Variants in ANKS1B observed in about 807,000 individuals in gnomAD.
ANKS1B encodes ankyrin repeat and sterile alpha motif domain containing 1B.
ANKS1B carries 36 observed loss-of-function variants against 148.3 expected under a neutral mutation model. The ratio of observed to expected loss-of-function variants is 0.24; its 90% confidence interval spans 0.19 to 0.32. ANKS1B has a LOEUF of 0.32. Among genes scored for constraint, ANKS1B ranks in the 10% least tolerant of loss-of-function variants. ANKS1B has a pLI of 1.00. For missense variants in ANKS1B, 1,157 were observed against 1,542.6 expected (o/e 0.75, Z 4.19); for synonymous variants, 542 against 560.8 (o/e 0.97, Z 0.47).
At chr12:99,145,738 T>A (rs1261225216) in intron 15 of ANKS1B, among the ~76,000 whole-genome samples, 4 of 152,026 alleles carry the variant, frequency 2.6e-5, no homozygotes, top group African/African-American at 9.7e-5. Context: ...CAAGAAACAA[T>A]CACTGAATAA....
intron 1 of ANKS1B, among the ~76,000 whole-genome samples, chr12:99,983,012 A>C (rs1432407993): frequency 6.6e-6 from 1 of 152,244 alleles, no homozygotes; most frequent in East Asian, 1.9e-4. Flanking sequence ...GTTTCTATTA[A>C]GCACTTGTCA....
intron 8 of ANKS1B, among the ~76,000 whole-genome samples, chr12:99,667,166 T>C (rs532259016): frequency 2.6e-4 from 40 of 151,938 alleles, no homozygotes; most frequent in Non-Finnish European, 5.0e-4. Flanking sequence ...GCCAACATGA[T>C]GAAACTCTGT....
At chr12:99,334,217 CAT>C in intron 12 of ANKS1B, among the ~76,000 whole-genome samples, 2 of 147,988 alleles carry the variant, frequency 1.4e-5, no homozygotes, top group Admixed American at 6.6e-5. Context: ...TACATAGATA[CAT>C]AGAAAGATAG....
rs2099130742 is a variant in ANKS1B, at chr12:98,815,335, T to G, written c.3067-7417A>C. On this transcript the variant is annotated intron_variant, in intron 19 of 26. Coordinates refer to ENST00000683438, the MANE Select transcript of ANKS1B (RefSeq NM_001352186.2). ...CCCACTCTACTGAAACTGAAACAATTTTCTATTTTCCTTGACCTATGTGAC... is the reference window on the plus strand; with the variant it reads ...CCCACTCTACTGAAACTGAAACAATGTTCTATTTTCCTTGACCTATGTGAC... 2.6e-5 allele frequency among the ~76,000 whole-genome samples: 4 copies of G among 152,306 alleles called. No individual in the cohort carries two copies. In the South Asian group the frequency reaches 8.3e-4, roughly 32 times the overall value.
intron 1 of ANKS1B, among the ~76,000 whole-genome samples, chr12:99,859,654 T>G (rs907113951): frequency 9.4e-5 from 13 of 138,574 alleles, no homozygotes; most frequent in Non-Finnish European, 7.6e-5. Flanking sequence ...TTTGTTTTTG[T>G]TTTTTTTTTT....
intron 17 of ANKS1B, among the ~76,000 whole-genome samples, chr12:98,858,755 T>C (rs2099584419): frequency 6.6e-6 from 1 of 152,158 alleles, no homozygotes; most frequent in South Asian, 2.1e-4. Context: ...TAAGGAGCCA[T>C]GGAGCAGGGA....
At chr12:99,565,249 T>C (rs2097376372) in intron 9 of ANKS1B, among the ~76,000 whole-genome samples, 1 of 152,318 alleles carries the variant, frequency 6.6e-6, no homozygotes, top group African/African-American at 2.4e-5. Context: ...ATAATATAGA[T>C]GAGCTCCAAG....
At chr12:99,211,934 C>T (rs2083394913) in intron 14 of ANKS1B, among the ~76,000 whole-genome samples, 1 of 152,168 alleles carries the variant, frequency 6.6e-6, no homozygotes, top group South Asian at 2.1e-4. Flanking sequence ...CACCCCAGCG[C>T]ACATCTTCCT....
intron 17 of ANKS1B, among the ~76,000 whole-genome samples, chr12:98,853,375 G>T (rs1221900647): frequency 6.6e-6 from 1 of 152,064 alleles, no homozygotes; most frequent in African/African-American, 2.4e-5. Context: ...TCCTTGTTCT[G>T]CAAAGCCTCT....
chr12:99,053,157 A>G lies in ANKS1B; in HGVS notation c.2778T>C (p.Asn926=). ...AGGTGTCACTAAGAGACCAACTTAC[A>G]TTAATAAGTTCAACCTCCCAGATTT... ...LKKIWEVELI[N]VLKINLIGHR... Residue 926 remains asparagine (N), a splice_region_variant and synonymous_variant, in exon 17 of 27, where the codon AAT becomes AAC. Coordinates refer to ENST00000683438, the MANE Select transcript of ANKS1B (RefSeq NM_001352186.2). The G allele has an allele frequency of 6.2e-7, 1 of 1,604,286 alleles. No individual in the cohort carries two copies. The highest frequency in any genetic ancestry group is 8.5e-7 in the Non-Finnish European group (1 of 1,175,564).
intron 7 of ANKS1B, among the ~76,000 whole-genome samples, chr12:99,775,155 C>CAAAATAA (rs1192974498): frequency 1.3e-5 from 2 of 151,538 alleles, no homozygotes; most frequent in African/African-American, 4.8e-5. Context: ...GTGTTCTCTC[C>CAAAATAA]AAAATAAAAA....
intron 1 of ANKS1B, among the ~76,000 whole-genome samples, chr12:99,869,402 G>A (rs752677511): frequency 1.3e-5 from 2 of 152,030 alleles, no homozygotes; most frequent in South Asian, 2.1e-4. Context: ...GGCTGGGCAC[G>A]GTGGCTCACG....
chr12:98,893,881 CAAAT>C (rs1338851287), intron 17 of ANKS1B, among the ~76,000 whole-genome samples: 1 of 152,172 alleles, frequency 6.6e-6, no homozygotes, highest in Non-Finnish European at 1.5e-5. Context: ...GAAAAATAAA[CAAAT>C]AAATACGGGG....
At chr12:99,039,726 T>C (rs7298602) in intron 17 of ANKS1B, among the ~76,000 whole-genome samples, 8,671 of 152,258 alleles carry the variant, frequency 0.057, 499 homozygotes, top group South Asian at 0.12. Context: ...TTTTAGGGTA[T>C]ATGTGCACAA....
At chr12:99,310,704 G>A (rs992433125) in intron 12 of ANKS1B, among the ~76,000 whole-genome samples, 29 of 152,216 alleles carry the variant, frequency 1.9e-4, no homozygotes, top group African/African-American at 5.5e-4. Flanking sequence ...TCTCCAGCTT[G>A]CCGAGTCACC....
chr12:98,928,467 A>G (rs957063139), intron 17 of ANKS1B, among the ~76,000 whole-genome samples: 2 of 151,918 alleles, frequency 1.3e-5, no homozygotes, highest in Non-Finnish European at 2.9e-5. Context: ...TAATGAGACA[A>G]TGACATCACA....
At chr12:99,810,155 G>A (rs1003509078) in intron 3 of ANKS1B, among the ~76,000 whole-genome samples, 3 of 151,952 alleles carry the variant, frequency 2.0e-5, no homozygotes, top group Admixed American at 6.6e-5. Context: ...TCAGTAACAC[G>A]TGGCCTTCGA....
chr12:99,434,792 G>A (rs2095432765), intron 11 of ANKS1B, among the ~76,000 whole-genome samples: 1 of 151,584 alleles, frequency 6.6e-6, no homozygotes, highest in African/African-American at 2.4e-5. Flanking sequence ...TTCTCATTCA[G>A]GCTGTCTAGA....
intron 8 of ANKS1B, among the ~76,000 whole-genome samples, chr12:99,742,662 G>A (rs952035722): frequency 6.6e-6 from 1 of 151,578 alleles, no homozygotes; most frequent in Non-Finnish European, 1.5e-5. Flanking sequence ...GTGAAACCCC[G>A]TCTCTACTAA....
Sources: gnomAD v4.1 joint callset for allele counts (sites outside exome capture counted in the v4.1 genomes callset) on GRCh38, gnomAD v4.1.1 for gene constraint, MANE v1.5 for transcripts, NCBI Gene and HGNC (gene_info 2026-07-23, HGNC 2026-07-21) for gene names.